MCF2L: variants seen among roughly 807,000 people sequenced by gnomAD.
MCF2L encodes guanine nucleotide exchange factor DBS.
In MCF2L, 97 loss-of-function variants were observed where a neutral mutation model predicts 153.4. The ratio of observed to expected loss-of-function variants is 0.63; its 90% CI spans 0.54 to 0.75. MCF2L has a LOEUF of 0.75. Ranked by LOEUF, MCF2L falls within the 30% of genes least tolerant of loss-of-function variation. The pLI is 0.00. For missense variants in MCF2L, 1,347 were observed against 1,495.2 expected (o/e 0.90, Z 1.64); for synonymous variants, 659 against 632.2 (o/e 1.04, Z -0.64).
At position 112,993,803 on chromosome 13, in the gene MCF2L, A is replaced by G. The variant is rs1359616340; in HGVS notation, c.80-20960A>G. The stretch of plus-strand genomic sequence containing the variant: ...GGGAATGGGGTCCTGGGTGAAGATG[A>G]CACCACAGATACCTTGGAGATCTGC... On this transcript the variant is annotated intron_variant, in intron 1 of 29. Coordinates refer to ENST00000535094, the MANE Select transcript of MCF2L (RefSeq NM_001112732.3). The surrounding 1 kb of genome is among the most constrained non-coding windows in gnomAD (Gnocchi z 4.6). Among the ~76,000 whole-genome samples, 2 of 152,022 alleles carry G rather than the reference A, an allele frequency of 1.3e-5. No individual in the cohort carries two copies. Among genetic ancestry groups the G allele is most frequent in the Non-Finnish European group, 1.5e-5 (1 of 67,994 alleles).
intron 2 of MCF2L, among the ~76,000 whole-genome samples, chr13:112,935,245 A>G (rs984124855): frequency 6.6e-6 from 1 of 152,146 alleles, no homozygotes; most frequent in East Asian, 1.9e-4. Flanking sequence ...TATTCAATAA[A>G]TTACATGAGA....
rs1157874538 is a variant in MCF2L at position 113,045,601 on chromosome 13, C to G, written c.369+240C>G. 1.4e-5 allele frequency: 8 copies of G among 572,734 alleles called. No homozygotes were observed. Among genetic ancestry groups the G allele is most frequent in the African/African-American group, 9.4e-5 (5 of 53,408 alleles). 35.5% of individuals were successfully genotyped at this position (572,734 alleles called of 1,614,324 possible). ...TAGGGAGCCCAATGTGACTTGCAAACAATTTCCCCAGGCAGAGCAGCCCAT... is the reference window on the plus strand; with the variant it reads ...TAGGGAGCCCAATGTGACTTGCAAAGAATTTCCCCAGGCAGAGCAGCCCAT... On this transcript the variant is annotated intron_variant, in intron 4 of 29. Transcript: ENST00000535094. The surrounding 1 kb of genome is among the most constrained non-coding windows in gnomAD (Gnocchi z 4.2).
intron 2 of MCF2L, chr13:112,956,442 G>A (rs1166369089): frequency 6.6e-6 from 1 of 152,226 alleles, no homozygotes; most frequent in African/African-American, 2.4e-5. Context: ...AAACCTCACT[G>A]TTTAAAGAGA....
Position 113,075,988 on chromosome 13 carries a change from G to C in MCF2L, c.1331G>C (p.Gly444Ala). ...LETSMKWCDEGIYLLASQPVD... is the reference protein window; with the variant it reads ...LETSMKWCDEAIYLLASQPVD... ...CAGTCCATGAAGTGGTGTGATGAAG[G>C]GATTTACCTGCTGGCCTCACAACCT... is the stretch of plus-strand genomic sequence containing the variant. The change falls in exon 12 of 30, where the codon GGG becomes GCG. Residue 444 changes from glycine (G) to alanine (A), a missense_variant. Gly to Ala is a moderately conservative substitution (Grantham distance 60, BLOSUM62 0). This residue lies in a region of MCF2L where 820 missense variants were observed against 921.2 expected (regional missense o/e 0.89). Coordinates refer to ENST00000535094, the MANE Select transcript of MCF2L (RefSeq NM_001112732.3). 6.2e-7 allele frequency: 1 copy of C among 1,611,418 alleles called. No individual in the cohort carries two copies. The highest frequency in any genetic ancestry group is 8.5e-7 in the Non-Finnish European group (1 of 1,178,936).
intron 2 of MCF2L, among the ~76,000 whole-genome samples, chr13:112,921,696 T>C (rs991446889): frequency 6.6e-6 from 1 of 152,172 alleles, no homozygotes; most frequent in Admixed American, 6.5e-5. Context: ...ATATGAATAA[T>C]ACAGGAACAC....
chr13:112,991,204 C>G (rs116013510), intron 1 of MCF2L, among the ~76,000 whole-genome samples: 4,279 of 152,290 alleles, frequency 0.028, 216 homozygotes, highest in African/African-American at 0.097. Flanking sequence ...CCGCCTGCCA[C>G]CTGCTTCTGT....
intron 1 of MCF2L, among the ~76,000 whole-genome samples, chr13:112,978,284 T>C (rs1375865563): frequency 1.3e-5 from 2 of 152,142 alleles, no homozygotes; most frequent in African/African-American, 4.8e-5. Context: ...TGTAGCTGTT[T>C]TGGGGGATGC....
chr13:112,914,255 C>A (rs2081266744), intron 2 of MCF2L, among the ~76,000 whole-genome samples: 1 of 152,212 alleles, frequency 6.6e-6, no homozygotes, highest in Admixed American at 6.5e-5. Context: ...CACATGTTCA[C>A]ACTTTCCTCC....
intron 2 of MCF2L, among the ~76,000 whole-genome samples, chr13:112,946,825 TG>T (rs2081642019): frequency 6.6e-6 from 1 of 152,182 alleles, no homozygotes; most frequent in Non-Finnish European, 1.5e-5. Flanking sequence ...TACTTTTTCT[TG>T]CTCTTCCCAA....
At chr13:113,042,663 G>C (rs1488046820) in intron 3 of MCF2L, 1 of 152,248 alleles carries the variant, frequency 6.6e-6, no homozygotes, top group Admixed American at 6.5e-5. Flanking sequence ...GGAGGCACCG[G>C]GCACTGTGGG....
At position 113,053,080 on chromosome 13, in the gene MCF2L, G is replaced by A. The variant is rs1284031445; in HGVS notation, c.370-7513G>A. On this transcript the variant is annotated intron_variant, in intron 4 of 29. Coordinates refer to ENST00000535094, the MANE Select transcript of MCF2L (RefSeq NM_001112732.3). This position sits in a 1 kb window ranked among gnomAD's most constrained non-coding sequence, Gnocchi z 4.4. The stretch of plus-strand genomic sequence containing the variant: ...TGGTGAGAGCCGGCTCTGCCATCGT[G>A]TCAGTTCATCCCGGATTGCTGACAT... Among the ~76,000 whole-genome samples, 2 of 152,146 alleles carry A rather than the reference G, an allele frequency of 1.3e-5. No homozygotes were observed. The highest frequency in any genetic ancestry group is 2.9e-5 in the Non-Finnish European group (2 of 68,034).
At position 113,070,229 on chromosome 13, in the gene MCF2L, G is replaced by A; in HGVS notation, c.996+56G>A. 8.1e-7 allele frequency: 1 copy of A among 1,239,350 alleles called. No homozygotes were observed. Among genetic ancestry groups the A allele is most frequent in the Non-Finnish European group, 1.1e-6 (1 of 902,580 alleles). The allele number at this position is 1,239,350 out of a possible 1,614,324, so 76.8% of individuals were successfully genotyped here. A position where few individuals can be genotyped will look rare whatever the true frequency, so the allele number is the denominator to read the frequency against. On this transcript the variant is annotated intron_variant, in intron 9 of 29. Coordinates refer to ENST00000535094, the MANE Select transcript of MCF2L (RefSeq NM_001112732.3). The surrounding 1 kb of genome is among the most constrained non-coding windows in gnomAD (Gnocchi z 5.6). ...CCCTGATGCTCACGGGGCCTCCTGT[G>A]CCTGCGCCCTGGTCCCAGTGCCGGG...
chr13:112,940,351 G>T (rs2081562831), intron 2 of MCF2L, among the ~76,000 whole-genome samples: 1 of 152,228 alleles, frequency 6.6e-6, no homozygotes, highest in Non-Finnish European at 1.5e-5. Context: ...CATCTCCAGT[G>T]CCAGCACGGG....
chr13:112,945,001 A>AT (rs10690779), intron 2 of MCF2L, among the ~76,000 whole-genome samples: 12,789 of 139,262 alleles, frequency 0.092, 761 homozygotes, highest in African/African-American at 0.15. Context: ...AGGCACCACT[A>AT]TTTTTTTTTT....
In MCF2L at chr13:112,983,515, C is replaced by T. The variant is rs1038370448; in HGVS notation, c.79+14057C>T. On this transcript the variant is annotated intron_variant, in intron 1 of 29. Coordinates refer to ENST00000535094, the MANE Select transcript of MCF2L (RefSeq NM_001112732.3). The surrounding 1 kb of genome is among the most constrained non-coding windows in gnomAD (Gnocchi z 4.0). ...AATGCGGCACCCGACGTCTGAGGCC[C>T]GCCACGCTGCAGGTTCCCATCTCCA... 7.9e-5 allele frequency among the ~76,000 whole-genome samples: 12 copies of T among 152,320 alleles called. No homozygotes were observed. The South Asian group carries it at 2.1e-3, about 26-fold the overall frequency.
At position 113,028,502 on chromosome 13, in the gene MCF2L, G is replaced by A. The variant is rs1189175133; in HGVS notation, c.278+3744G>A. ...AGCCACCTCTGTAGATTGCGCATCT[G>A]TGAGTCGCACAGCCTGGTCTGGCTG... On this transcript the variant is annotated intron_variant, in intron 3 of 29. Transcript: ENST00000535094. This position sits in a 1 kb window ranked among gnomAD's most constrained non-coding sequence, Gnocchi z 5.4. 6.6e-6 allele frequency among the ~76,000 whole-genome samples: 1 copy of A among 152,242 alleles called. No individual in the cohort carries two copies. Among genetic ancestry groups the A allele is most frequent in the Admixed American group, 6.5e-5 (1 of 15,282 alleles).
At chr13:112,958,140 C>G (rs768573809) in intron 2 of MCF2L, 4 of 152,244 alleles carry the variant, frequency 2.6e-5, no homozygotes, top group Non-Finnish European at 4.4e-5. Context: ...CAAATAAAGA[C>G]TTTCAGCTCT....
chr13:113,027,044 A>G lies in MCF2L; in HGVS notation c.278+2286A>G. ...ATTTGGGGTATAGTGAACACACACC[A>G]AGTAAAAACAGAAATATCCTTAAAT... On this transcript the variant is annotated intron_variant, in intron 3 of 29. Coordinates refer to ENST00000535094, the MANE Select transcript of MCF2L (RefSeq NM_001112732.3). The surrounding 1 kb of genome is among the most constrained non-coding windows in gnomAD (Gnocchi z 4.8). 5.2e-6 allele frequency: 4 copies of G among 776,340 alleles called. No homozygotes were observed. Among genetic ancestry groups the G allele is most frequent in the Non-Finnish European group, 9.6e-6 (4 of 417,472 alleles). 48.1% of individuals were successfully genotyped at this position (776,340 alleles called of 1,614,324 possible). A position where few individuals can be genotyped will look rare whatever the true frequency, so the allele number is the denominator to read the frequency against.
chr13:113,037,050 C>A (rs1026107509), intron 3 of MCF2L, among the ~76,000 whole-genome samples: 5 of 152,236 alleles, frequency 3.3e-5, no homozygotes, highest in African/African-American at 1.2e-4. Flanking sequence ...TGCGGTCCAG[C>A]GGCCCTCCTG....
Sources: allele counts gnomAD v4.1 joint callset (sites outside exome capture counted in the v4.1 genomes callset), GRCh38; gene constraint gnomAD v4.1.1; regional missense constraint gnomAD v4.1.1; non-coding constraint Gnocchi (gnomAD v3.1); transcripts MANE v1.5; gene names NCBI Gene and HGNC (gene_info 2026-07-23, HGNC 2026-07-21).